Variants in GSS observed in about 807,000 individuals in gnomAD.
GSS encodes the protein GSH synthetase.
A neutral mutation model predicts 60.4 loss-of-function variants in GSS; 34 were observed. The observed-to-expected ratio is 0.56, with a 90% CI of 0.43 to 0.75. The LOEUF is 0.75. Ranked by LOEUF, GSS falls within the 30% of genes least tolerant of loss-of-function variation. The probability of loss-of-function intolerance (pLI) is 0.00; values close to 1 mark genes in which losing one functional copy is unlikely to be tolerated. For synonymous variants in GSS, 224 were observed against 239.0 expected, an observed-to-expected ratio of 0.94 and a Z score of 0.58; for missense variants, 499 against 595.1, an observed-to-expected ratio of 0.84 and a Z score of 1.68.
At chr20:34,929,364 A>G (rs1398466128) in intron 12 of GSS, 37 bp downstream of exon 12, 1 of 1,563,722 alleles carries the variant, frequency 6.4e-7, no homozygotes, top group African/African-American at 1.4e-5. Context: ...CACTCTTGCA[A>G]GCAGGTAGTG....
In GSS at chr20:34,928,721, A is replaced by G. The variant is rs2081371524; in HGVS notation, c.*107T>C. The G allele has an allele frequency of 1.6e-6, 2 of 1,253,610 alleles. No individual in the cohort carries two copies. The highest frequency in any genetic ancestry group is 2.3e-6 in the Non-Finnish European group (2 of 866,048). 77.7% of individuals were successfully genotyped at this position (1,253,610 alleles called of 1,614,324 possible). A position where few individuals can be genotyped will look rare whatever the true frequency, so the allele number is the denominator to read the frequency against. ...AAGCTGGGGGAAGGTACCAGTATTTACCCTTCCATAAAAACTTTGGAGGTC... is the reference window on the plus strand; with the variant it reads ...AAGCTGGGGGAAGGTACCAGTATTTGCCCTTCCATAAAAACTTTGGAGGTC... On this transcript the variant is annotated 3_prime_UTR_variant, in exon 13 of 13. Transcript: ENST00000651619.
At chr20:34,936,152 A>G (rs2081439292) in intron 8 of GSS, among the ~76,000 whole-genome samples, 1 of 152,204 alleles carries the variant, frequency 6.6e-6, no homozygotes, top group African/African-American at 2.4e-5. Context: ...CCTATTTGAT[A>G]TTGTCTAGTT....
rs1443092820 is a variant in GSS, at chr20:34,928,645, G to A, written c.*183C>T. On this transcript the variant is annotated 3_prime_UTR_variant, in exon 13 of 13. Transcript: ENST00000651619. Reference sequence around the variant, plus strand: ...ATACCCACATCTCAAGGATTTGGGGGCGTCTAGATCTCATCTAAGGGAGAC... The same window carrying A: ...ATACCCACATCTCAAGGATTTGGGGACGTCTAGATCTCATCTAAGGGAGAC... The A allele has an allele frequency of 1.6e-5, 11 of 683,876 alleles. No homozygotes were observed. The allele number at this position is 683,876 out of a possible 1,614,324, so 42.4% of individuals were successfully genotyped here. A position where few individuals can be genotyped will look rare whatever the true frequency, so the allele number is the denominator to read the frequency against.
At chr20:34,953,632 TTTTG>T in intron 1 of GSS, among the ~76,000 whole-genome samples, 1 of 150,518 alleles carries the variant, frequency 6.6e-6, no homozygotes, top group East Asian at 1.9e-4. Context: ...TTTTTTTTTT[TTTTG>T]ACGGAGTCTG....
chr20:34,931,224 C>G, intron 11 of GSS, 112 bp downstream of exon 11: 1 of 866,160 alleles, frequency 1.2e-6, no homozygotes, highest in Non-Finnish European at 2.0e-6. Flanking sequence ...TGTGTCAGTT[C>G]CAATAGTTTC....
In GSS at chr20:34,928,749, T is replaced by C; in HGVS notation, c.*79A>G. 1 of 1,534,146 alleles carries C rather than the reference T, an allele frequency of 6.5e-7. No homozygotes were observed. Among genetic ancestry groups the C allele is most frequent in the South Asian group, 1.1e-5 (1 of 88,734 alleles). On this transcript the variant is annotated 3_prime_UTR_variant, in exon 13 of 13. Transcript: ENST00000651619. ...CTTCCATAAAAACTTTGGAGGTCTTTAGGAGGATACCCCTCAGGAGGGCTA... is the reference window on the plus strand; with the variant it reads ...CTTCCATAAAAACTTTGGAGGTCTTCAGGAGGATACCCCTCAGGAGGGCTA...
In GSS at chr20:34,951,726, C is replaced by A; in HGVS notation, c.127G>T (p.Glu43Ter). The A allele has an allele frequency of 1.9e-6, 3 of 1,605,142 alleles. No individual in the cohort carries two copies. Among genetic ancestry groups the A allele is most frequent in the Non-Finnish European group, 2.6e-6 (3 of 1,175,210 alleles). ...LRTSQEPTSS[E>*]VVSYAPFTLF... ...GTGGGGAGGAGCTAGGGGCTTACCT[C>A]CGAGGAAGTGGGCTCCTGTGAGGTC... The change falls in exon 2 of 13, where the codon GAG (glutamate) becomes TAG (stop). Residue 43 changes from glutamate (E) to a stop codon, truncating the protein, a stop_gained and splice_region_variant. Coordinates refer to ENST00000651619, the MANE Select transcript of GSS (RefSeq NM_000178.4). LOFTEE classifies it high-confidence loss of function.
chr20:34,928,966 G>A lies in GSS; in HGVS notation c.1302-15C>T. ...TCTTTTCCTGCCTATAGAAATGGAG[G>A]CAGGGGACACACATCACCTGGACTC... is the stretch of plus-strand genomic sequence containing the variant. On this transcript the variant is annotated splice_polypyrimidine_tract_variant and intron_variant, in intron 12 of 12. Transcript: ENST00000651619. 2 of 1,612,636 alleles carry A rather than the reference G, an allele frequency of 1.2e-6. No homozygotes were observed. Among genetic ancestry groups the A allele is most frequent in the East Asian group, 2.2e-5 (1 of 44,874 alleles).
In GSS at chr20:34,941,797, T is replaced by C; in HGVS notation, c.524A>G (p.Glu175Gly). The C allele has an allele frequency of 6.2e-7, 1 of 1,610,320 alleles. No homozygotes were observed. Residue 175 changes from glutamate to glycine, a missense_variant, in exon 6 of 13, where the codon GAA (glutamate) becomes GGA (glycine). Glu to Gly is a moderately conservative substitution (Grantham distance 98). Coordinates refer to ENST00000651619, the MANE Select transcript of GSS (RefSeq NM_000178.4). Reference protein sequence around the residue: ...HVLSVLSKTKEAGKILSNNPS... With the variant: ...HVLSVLSKTKGAGKILSNNPS... ...ATTATTAGAGAGGATCTTGCCAGCT[T>C]CTTTGGTCTTACTCAGGACACTGAG...
chr20:34,949,712 T>C (rs2081552020), intron 2 of GSS: 1 of 152,188 alleles, frequency 6.6e-6, no homozygotes, highest in South Asian at 2.1e-4. Flanking sequence ...TCTCTGGGCT[T>C]CGGTTTCCTT....
At chr20:34,935,809 C>A (rs1397476366) in intron 8 of GSS, among the ~76,000 whole-genome samples, 167 bp from the exon 9 acceptor site, 1 of 152,198 alleles carries the variant, frequency 6.6e-6, no homozygotes, top group Non-Finnish European at 1.5e-5. Flanking sequence ...GATATCCACA[C>A]TACCAGGGCT....
At chr20:34,950,582 A>G (rs2081561120) in intron 2 of GSS, among the ~76,000 whole-genome samples, 1 of 151,486 alleles carries the variant, frequency 6.6e-6, no homozygotes, top group Admixed American at 6.6e-5. Context: ...CCTGGACAAC[A>G]TGGTGAAACC....
intron 2 of GSS, among the ~76,000 whole-genome samples, chr20:34,951,111 A>G (rs993813661): frequency 1.3e-5 from 2 of 152,214 alleles, no homozygotes; most frequent in Non-Finnish European, 2.9e-5. Context: ...CTAAATAGAC[A>G]TGAGTAGAGG....
At position 34,932,100 on chromosome 20, in the gene GSS, G is replaced by A. The variant is rs2081406536; in HGVS notation, c.868C>T (p.His290Tyr). 2 of 1,613,982 alleles carry A rather than the reference G, an allele frequency of 1.2e-6. No individual in the cohort carries two copies. Among genetic ancestry groups the A allele is most frequent in the Admixed American group, 1.7e-5 (1 of 60,012 alleles). ...WEARLLLERS[H>Y]AAKCPDIATQ... is the part of the protein sequence containing the mutation. ...GCAATGTCTGGGCACTTGGCAGCAT[G>A]TGACCTCTCCAGCAGTAGACGTGCT... Residue 290 changes from histidine (H) to tyrosine (Y), a missense_variant, in exon 10 of 13, where the codon CAT becomes TAT. By Grantham distance (83) the His-to-Tyr change is moderately conservative. Transcript: ENST00000651619.
At chr20:34,941,949 C>T in intron 5 of GSS, 120 bp from the exon 6 acceptor site, 1 of 748,602 alleles carries the variant, frequency 1.3e-6, no homozygotes, top group Non-Finnish European at 2.5e-6. Context: ...AAGCATCCTC[C>T]CATCACATTC....
intron 10 of GSS, 168 bp from the exon 11 acceptor site, chr20:34,931,585 C>T (rs541861942): frequency 5.0e-5 from 35 of 695,216 alleles, no homozygotes; most frequent in South Asian, 4.8e-4. Context: ...CAACAAACCC[C>T]CTGCAGCAGC....
Position 34,942,431 on chromosome 20 carries a change from G to A in GSS, c.491+57C>T, listed in dbSNP as rs533468179. On this transcript the variant is annotated intron_variant, in intron 5 of 12. Coordinates refer to ENST00000651619, the MANE Select transcript of GSS (RefSeq NM_000178.4). ...GAGTTCCCTGGCCTAGCCAGTGACT[G>A]TACACCCATCAGCATGTCACCCCAC... is the stretch of plus-strand genomic sequence containing the variant. 63 of 1,522,902 alleles carry A rather than the reference G, an allele frequency of 4.1e-5. No individual in the cohort carries two copies. In the African/African-American group the frequency reaches 6.4e-4, roughly 15 times the overall value. The allele number at this position is 1,522,902 out of a possible 1,614,324, so 94.3% of individuals were successfully genotyped here.
At chr20:34,939,677 T>G (rs1452887173) in intron 6 of GSS, among the ~76,000 whole-genome samples, 2 of 151,338 alleles carry the variant, frequency 1.3e-5, no homozygotes, top group Admixed American at 6.6e-5. Flanking sequence ...TTTTTTGTTT[T>G]TTTTTTTTTT....
intron 3 of GSS, 122 bp from the exon 4 acceptor site, chr20:34,943,128 G>A (rs1569014599): frequency 8.2e-6 from 6 of 730,184 alleles, no homozygotes; most frequent in Admixed American, 2.0e-5. Context: ...TTGAATGTCC[G>A]CCCCAATGTG....
Sources: gnomAD v4.1 joint callset for allele counts (sites outside exome capture counted in the v4.1 genomes callset) on GRCh38, gnomAD v4.1.1 for gene constraint, MANE v1.5 for transcripts, NCBI Gene and HGNC (gene_info 2026-07-23, HGNC 2026-07-21) for gene names.